Variants in NCOA1 observed in about 807,000 individuals in gnomAD.
NCOA1 encodes Hin-2 protein.
Under a neutral mutation model 150.9 loss-of-function variants are expected in NCOA1, and 35 were observed. That is an observed-to-expected ratio of 0.23 (90% CI 0.18 to 0.31). The LOEUF (loss-of-function observed/expected upper bound fraction) is 0.31, where lower values mean the gene tolerates loss of function less well. Among genes scored for constraint, NCOA1 ranks in the 10% least tolerant of loss-of-function variants. The pLI is 1.00. For synonymous variants in NCOA1, 590 were observed against 630.0 expected, an observed-to-expected ratio of 0.94 and a Z score of 0.95; for missense variants, 1,491 against 1,749.3, an observed-to-expected ratio of 0.85 and a Z score of 2.63.
At chr2:24,514,062 G>A (rs1004395531) in intron 1 of NCOA1, among the ~76,000 whole-genome samples, 6 of 152,112 alleles carry the variant, frequency 3.9e-5, no homozygotes, top group Admixed American at 3.3e-4. Flanking sequence ...GCCGAGGCAG[G>A]CGGATCACGA....
intron 1 of NCOA1, among the ~76,000 whole-genome samples, chr2:24,550,510 C>T (rs928509173): frequency 3.9e-5 from 6 of 152,214 alleles, no homozygotes; most frequent in South Asian, 2.1e-4. Context: ...CATCAGATCT[C>T]GAGAGATTTA....
In NCOA1 at chr2:24,703,438, T is replaced by G. The variant is rs902249493; in HGVS notation, c.950-1648T>G. 5.9e-5 allele frequency among the ~76,000 whole-genome samples: 9 copies of G among 152,232 alleles called. 1 individual carries two copies. On this transcript the variant is annotated intron_variant, in intron 11 of 22. Transcript: ENST00000348332. ...TAAATGCCAAATCTTAGTCCATACATTCTCATCCAAAACAAATAATCTAAT... is the reference window on the plus strand; with the variant it reads ...TAAATGCCAAATCTTAGTCCATACAGTCTCATCCAAAACAAATAATCTAAT...
At chr2:24,653,213 A>G (rs985094760) in intron 4 of NCOA1, among the ~76,000 whole-genome samples, 5 of 152,138 alleles carry the variant, frequency 3.3e-5, no homozygotes, top group African/African-American at 9.7e-5. Context: ...AAATTATTCA[A>G]TCTGTGAGAT....
Position 24,629,813 on chromosome 2 carries a change from CATACATATATATATATAT to C in NCOA1, c.-174-14149_-174-14132del, listed in dbSNP as rs1193598137. On this transcript the variant is annotated intron_variant, in intron 3 of 22. Transcript: ENST00000348332. ...GCCAGACACTGTTTTAAGTAACATA[CATACATATATATATATAT>C]ATATATATATATATATGTATTTTTT... Among the ~76,000 whole-genome samples, 13 of 77,348 alleles carry C rather than the reference CATACATATATATATATAT, an allele frequency of 1.7e-4. 1 individual carries two copies. The highest frequency in any genetic ancestry group is 4.4e-4 in the East Asian group (1 of 2,274). 50.7% of individuals were successfully genotyped at this position (77,348 alleles called of 152,430 possible).
intron 1 of NCOA1, among the ~76,000 whole-genome samples, chr2:24,549,712 G>A (rs557047078): frequency 6.6e-6 from 1 of 152,188 alleles, no homozygotes; most frequent in East Asian, 1.9e-4. Context: ...GACTACAGGT[G>A]CCCACCACTG....
chr2:24,660,480 A>C (rs1471095307), intron 5 of NCOA1, among the ~76,000 whole-genome samples: 1 of 152,038 alleles, frequency 6.6e-6, no homozygotes, highest in Admixed American at 6.6e-5. Context: ...ATATACACAC[A>C]CAGGTATCTG....
intron 3 of NCOA1, among the ~76,000 whole-genome samples, chr2:24,612,972 A>G (rs911853838): frequency 6.6e-6 from 1 of 152,220 alleles, no homozygotes; most frequent in Non-Finnish European, 1.5e-5. Flanking sequence ...TCGTTTGGCC[A>G]GAATTCTTGC....
In NCOA1 at chr2:24,705,054, T is replaced by G. The variant is rs749135152; in HGVS notation, c.950-32T>G. On this transcript the variant is annotated intron_variant, in intron 11 of 22. Coordinates refer to ENST00000348332, the MANE Select transcript of NCOA1 (RefSeq NM_003743.5). The stretch of plus-strand genomic sequence containing the variant: ...TAAAGCCAGCGTATAAGTATCAGAA[T>G]TTTAACTAGGTTTCTCTTCTGTTTG... 1.9e-6 allele frequency: 3 copies of G among 1,599,974 alleles called. No homozygotes were observed. The African/African-American group carries it at 4.0e-5, about 22-fold the overall frequency.
intron 14 of NCOA1, among the ~76,000 whole-genome samples, chr2:24,718,146 C>T (rs530808569): frequency 2.0e-5 from 3 of 152,172 alleles, no homozygotes; most frequent in Non-Finnish European, 2.9e-5. Context: ...GTGATCCACC[C>T]GCCTTGGCTT....
At position 24,742,018 on chromosome 2, in the gene NCOA1, C is replaced by G; in HGVS notation, c.3538C>G (p.Pro1180Ala). The change falls in exon 19 of 23, where the codon CCA (proline) becomes GCA (alanine). Residue 1180 changes from proline (P) to alanine (A), a missense_variant. Pro to Ala is a conservative substitution (Grantham distance 27). This residue lies in a region of NCOA1 where 485 missense variants were observed against 522.8 expected (regional missense o/e 0.93). Transcript: ENST00000348332. The part of the protein sequence containing the change: ...PPNYGTNPGT[P>A]PASTSPFSQL... ...AAACTATGGTACAAATCCAGGAACC[C>G]CACCTGCTTCTACCAGCCCGTTTTC... 2 of 1,614,210 alleles carry G rather than the reference C, an allele frequency of 1.2e-6. No individual in the cohort carries two copies. Among genetic ancestry groups the G allele is most frequent in the South Asian group, 2.2e-5 (2 of 91,084 alleles).
intron 4 of NCOA1, among the ~76,000 whole-genome samples, chr2:24,651,790 G>A (rs887334701): frequency 1.2e-4 from 19 of 152,024 alleles, no homozygotes; most frequent in African/African-American, 3.4e-4. Flanking sequence ...GATGCTTGGT[G>A]TCATTAGTGA....
At chr2:24,718,989 A>T (rs1174942363) in intron 14 of NCOA1, among the ~76,000 whole-genome samples, 1 of 128,646 alleles carries the variant, frequency 7.8e-6, no homozygotes, top group Non-Finnish European at 1.6e-5. Context: ...AGATCGCACC[A>T]TTGCATTCCA....
chr2:24,699,158 C>T (rs752296186), intron 11 of NCOA1, among the ~76,000 whole-genome samples: 13 of 152,286 alleles, frequency 8.5e-5, no homozygotes, highest in South Asian at 2.1e-4. Flanking sequence ...TTGACTTTTG[C>T]ATAGGTTTGG....
At chr2:24,503,397 C>CT (rs915245485) in intron 1 of NCOA1, among the ~76,000 whole-genome samples, 1 of 152,140 alleles carries the variant, frequency 6.6e-6, no homozygotes, top group Non-Finnish European at 1.5e-5. Context: ...GATGGGAACA[C>CT]TAATTCCTCA....
At position 24,706,849 on chromosome 2, in the gene NCOA1, C is replaced by T. The variant is rs756018001; in HGVS notation, c.1379C>T (p.Ala460Val). The T allele has an allele frequency of 6.2e-7, 1 of 1,614,204 alleles. No homozygotes were observed. The highest frequency in any genetic ancestry group is 8.5e-7 in the Non-Finnish European group (1 of 1,180,042). ...VANVALNQGQASSQSSNPSLN... is the reference protein window; with the variant it reads ...VANVALNQGQVSSQSSNPSLN... The stretch of plus-strand genomic sequence containing the variant: ...AATGTTGCCTTAAACCAAGGACAGG[C>T]CAGTTCACAGAGCAGTAATCCCTCT... Residue 460 changes from alanine to valine, a missense_variant, in exon 13 of 23, where the codon GCC becomes GTC. Physicochemically the swap from Ala to Val is moderately conservative, Grantham distance 64 (BLOSUM62 0). Around this residue, in one of 8 missense-constraint regions of NCOA1, gnomAD observed 703 missense variants for 717.7 expected, o/e 0.98. Coordinates refer to ENST00000348332, the MANE Select transcript of NCOA1 (RefSeq NM_003743.5).
chr2:24,684,409 G>A (rs1276121371), intron 8 of NCOA1, among the ~76,000 whole-genome samples: 1 of 152,200 alleles, frequency 6.6e-6, no homozygotes, highest in Admixed American at 6.5e-5. Flanking sequence ...GTTTGTGGAA[G>A]GGCCACATTA....
chr2:24,703,038 T>G (rs2148586086), intron 11 of NCOA1, among the ~76,000 whole-genome samples: 1 of 152,250 alleles, frequency 6.6e-6, no homozygotes, highest in African/African-American at 2.4e-5. Flanking sequence ...ATTTGTTGGG[T>G]TTTTTTCCCT....
At chr2:24,599,067 T>C (rs1214105001) in intron 3 of NCOA1, among the ~76,000 whole-genome samples, 4 of 152,094 alleles carry the variant, frequency 2.6e-5, no homozygotes, top group Non-Finnish European at 5.9e-5. Context: ...TGACAGAACT[T>C]TGTGATTTAA....
chr2:24,582,299 G>A (rs1667223843), intron 2 of NCOA1, among the ~76,000 whole-genome samples: 1 of 151,948 alleles, frequency 6.6e-6, no homozygotes, highest in Admixed American at 6.6e-5. Context: ...AAAATCAGTA[G>A]CATTTCTATA....
Sources: allele counts gnomAD v4.1 joint callset (sites outside exome capture counted in the v4.1 genomes callset), GRCh38; gene constraint gnomAD v4.1.1; regional missense constraint gnomAD v4.1.1; transcripts MANE v1.5; gene names NCBI Gene and HGNC (gene_info 2026-07-23, HGNC 2026-07-21).